RAB37: variants seen among roughly 807,000 people sequenced by gnomAD.
The protein encoded by RAB37 is ras-related protein Rab-37.
A neutral mutation model predicts 33.1 loss-of-function variants in RAB37; 29 were observed. That is an observed-to-expected ratio of 0.88 (90% CI 0.65 to 1.20). The LOEUF (loss-of-function observed/expected upper bound fraction) is 1.20. RAB37 is among the 50% of genes most tolerant of loss of function. RAB37 has a pLI of 0.00. For synonymous variants in RAB37, 128 were observed against 119.5 expected, an observed-to-expected ratio of 1.07 and a Z score of -0.47; for missense variants, 299 against 301.1, an observed-to-expected ratio of 0.99 and a Z score of 0.05.
intron 1 of RAB37, among the ~76,000 whole-genome samples, chr17:74,739,213 A>G (rs1347442244): frequency 6.6e-6 from 1 of 152,224 alleles, no homozygotes; most frequent in Non-Finnish European, 1.5e-5. Context: ...CCTAACCAGC[A>G]GCTGGGAAAT....
intron 1 of RAB37, among the ~76,000 whole-genome samples, chr17:74,700,857 G>C (rs995718766): frequency 2.0e-5 from 3 of 152,022 alleles, no homozygotes; most frequent in African/African-American, 7.3e-5. Flanking sequence ...TAGTATCTCA[G>C]AATGTGATTG....
At chr17:74,704,656 G>A (rs144991054) in intron 1 of RAB37, 49 of 1,614,022 alleles carry the variant, frequency 3.0e-5, no homozygotes, top group Non-Finnish European at 3.9e-5. Flanking sequence ...CTGACCCACT[G>A]GTTTTAACAA....
At chr17:74,692,533 G>A (rs1157491926) in intron 1 of RAB37, among the ~76,000 whole-genome samples, 1 of 152,010 alleles carries the variant, frequency 6.6e-6, no homozygotes, top group Non-Finnish European at 1.5e-5. Context: ...CATGCCTACA[G>A]CCTCCTACCT....
chr17:74,675,888 A>T (rs2031820151), intron 1 of RAB37, among the ~76,000 whole-genome samples: 1 of 152,230 alleles, frequency 6.6e-6, no homozygotes, highest in African/African-American at 2.4e-5. Context: ...GACTGAAAAC[A>T]TTGAGCTCAT....
intron 1 of RAB37, among the ~76,000 whole-genome samples, chr17:74,708,334 A>G (rs2033680571): frequency 6.6e-6 from 1 of 152,206 alleles, no homozygotes; most frequent in Non-Finnish European, 1.5e-5. Context: ...GGAAATATTT[A>G]CCAAACACGT....
chr17:74,723,399 A>G (rs754954660), intron 1 of RAB37, among the ~76,000 whole-genome samples: 2 of 150,688 alleles, frequency 1.3e-5, no homozygotes, highest in Non-Finnish European at 3.0e-5. Context: ...TTTTCAGGCA[A>G]TTTCTTGAAC....
At chr17:74,708,718 C>G (rs1263453632) in intron 1 of RAB37, among the ~76,000 whole-genome samples, 1 of 151,706 alleles carries the variant, frequency 6.6e-6, no homozygotes, top group Non-Finnish European at 1.5e-5. Flanking sequence ...AGATCGAGAC[C>G]ATCCTGGCTA....
rs2032081385 is a variant in RAB37 at position 74,687,661 on chromosome 17, A to G, written c.72+16003A>G. Among the ~76,000 whole-genome samples, 3 of 152,170 alleles carry G rather than the reference A, an allele frequency of 2.0e-5. No individual in the cohort carries two copies. In the South Asian group the frequency reaches 6.2e-4, roughly 32 times the overall value. On this transcript the variant is annotated intron_variant, in intron 1 of 7. Transcript: ENST00000340415. ...TGATTGCTTCAAGGGTCCCTTTCAC[A>G]ACTACTGGAGAGCTCCACAGCTCTC...
rs1384164375 is a variant in RAB37 at position 74,746,606 on chromosome 17, TG to T, written c.*1198del. 4.6e-5 allele frequency: 7 copies of T among 152,210 alleles called. No individual in the cohort carries two copies. The East Asian group carries it at 9.7e-4, about 21-fold the overall frequency. The allele number at this position is 152,210 out of a possible 1,614,324, so 9.4% of individuals were successfully genotyped here. A position where few individuals can be genotyped will look rare whatever the true frequency, so the allele number is the denominator to read the frequency against. ...AAGCAGCTGAAGTGTTTAGCCCTCCTGGGTTAAGAGCCAGATAAGGAGAAAT... is the reference window on the plus strand; with the variant it reads ...AAGCAGCTGAAGTGTTTAGCCCTCCTGGTTAAGAGCCAGATAAGGAGAAAT... On this transcript the variant is annotated 3_prime_UTR_variant, in exon 9 of 9. Transcript: ENST00000392613. The surrounding 1 kb of genome is among the most constrained non-coding windows in gnomAD (Gnocchi z 5.2).
intron 1 of RAB37, among the ~76,000 whole-genome samples, chr17:74,684,816 G>T (rs1314837371): frequency 6.6e-6 from 1 of 151,572 alleles, no homozygotes. Context: ...AAATTGCCAT[G>T]TAAAAATACA....
chr17:74,695,765 G>A (rs767379262), intron 1 of RAB37: 2 of 1,614,210 alleles, frequency 1.2e-6, no homozygotes, highest in South Asian at 1.1e-5. Context: ...AACCTGGGCA[G>A]AGGAAAGCTT....
chr17:74,694,017 A>G (rs936816886), intron 1 of RAB37, among the ~76,000 whole-genome samples: 9 of 152,122 alleles, frequency 5.9e-5, no homozygotes, highest in Non-Finnish European at 1.0e-4. Flanking sequence ...ACACACATGC[A>G]GACACATGCA....
intron 2 of RAB37, among the ~76,000 whole-genome samples, chr17:74,741,837 G>C (rs1484709527): frequency 6.6e-6 from 1 of 152,222 alleles, no homozygotes; most frequent in African/African-American, 2.4e-5. Context: ...TGCTGCTGCA[G>C]ATGTAGCCTC....
chr17:74,733,475 T>G, upstream of RAB37, among the ~76,000 whole-genome samples: 1 of 148,552 alleles, frequency 6.7e-6, no homozygotes. Context: ...GGGATGTGTG[T>G]GGTGTGAGGT....
chr17:74,696,325 A>G (rs2032473287), intron 1 of RAB37: 5 of 1,202,288 alleles, frequency 4.2e-6, no homozygotes, highest in Non-Finnish European at 5.8e-6. Flanking sequence ...AATTGGGTCC[A>G]GGCTCAGAGA....
At chr17:74,717,725 C>T (rs1156824506) in intron 1 of RAB37, among the ~76,000 whole-genome samples, 2 of 150,136 alleles carry the variant, frequency 1.3e-5, no homozygotes, top group Non-Finnish European at 3.0e-5. Context: ...AGAAGAATTG[C>T]TTGAACCTGG....
chr17:74,707,927 C>T (rs143266352), intron 1 of RAB37, among the ~76,000 whole-genome samples: 1,704 of 151,964 alleles, frequency 0.011, 94 homozygotes, highest in Admixed American at 0.081. Flanking sequence ...GCAGGTGGAT[C>T]ACCTGAAGTC....
chr17:74,719,291 T>C (rs1273224056), intron 1 of RAB37, among the ~76,000 whole-genome samples: 1 of 151,434 alleles, frequency 6.6e-6, no homozygotes, highest in Admixed American at 6.6e-5. Context: ...CTGCAAAAAA[T>C]ACAAAAAAAT....
At chr17:74,700,239 A>T (rs1417834577) in intron 1 of RAB37, among the ~76,000 whole-genome samples, 1 of 152,164 alleles carries the variant, frequency 6.6e-6, no homozygotes, top group Admixed American at 6.6e-5. Context: ...ATTTCAGCCC[A>T]TGAAAATGGC....
Sources: gnomAD v4.1 joint callset for allele counts (sites outside exome capture counted in the v4.1 genomes callset) on GRCh38, gnomAD v4.1.1 for gene constraint, Gnocchi (gnomAD v3.1) non-coding constraint, MANE v1.5 for transcripts, NCBI Gene and HGNC (gene_info 2026-07-23, HGNC 2026-07-21) for gene names.